The following DCT variants were observed in gnomAD, a reference collection of about 807,000 sequenced individuals.
DCT encodes the protein L-dopachrome tautomerase.
A neutral mutation model predicts 53.0 loss-of-function variants in DCT; 47 were observed. The ratio of observed to expected loss-of-function variants is 0.89; its 90% CI spans 0.70 to 1.13. The LOEUF (loss-of-function observed/expected upper bound fraction) is 1.13, where lower values mean the gene tolerates loss of function less well. Among genes scored for constraint, DCT ranks in the 50% most tolerant of loss-of-function variants. The probability of loss-of-function intolerance (pLI) is 0.00; values close to 1 mark genes in which losing one functional copy is unlikely to be tolerated. For synonymous variants in DCT, 244 were observed against 237.0 expected (o/e 1.03, Z -0.27); for missense variants, 669 against 637.4 (o/e 1.05, Z -0.53).
chr13:94,441,883 T>A (rs1043831973), intron 7 of DCT, among the ~76,000 whole-genome samples: 10 of 152,212 alleles, frequency 6.6e-5, no homozygotes, highest in African/African-American at 2.4e-4. Flanking sequence ...CTGGGTCATA[T>A]GGTAATTATT....
chr13:94,483,972 TCA>T (rs1885557764), upstream of DCT, among the ~76,000 whole-genome samples: 1 of 152,206 alleles, frequency 6.6e-6, no homozygotes, highest in African/African-American at 2.4e-5. Context: ...TGCTAGACAG[TCA>T]CATCACCTCA....
the DCT span, among the ~76,000 whole-genome samples, chr13:94,511,587 T>C: frequency 6.6e-6 from 1 of 152,212 alleles, no homozygotes; most frequent in East Asian, 1.9e-4. Flanking sequence ...CTCAAACTCC[T>C]GACCTCAAGT....
chr13:94,540,214 T>C, the DCT span, among the ~76,000 whole-genome samples: 1 of 152,100 alleles, frequency 6.6e-6, no homozygotes, highest in Admixed American at 6.6e-5. Context: ...AAAAAGAAGA[T>C]AGGATGAGAA....
intron 7 of DCT, among the ~76,000 whole-genome samples, chr13:94,440,464 A>T (rs1882210512): frequency 6.6e-6 from 1 of 152,198 alleles, no homozygotes; most frequent in Admixed American, 6.5e-5. Flanking sequence ...AAATTCTGCT[A>T]TTGTCTCTAC....
Position 94,438,939 on chromosome 13 carries a change from C to G in DCT, c.*959G>C, listed in dbSNP as rs567096449. The G allele has an allele frequency of 9.2e-6, 2 of 216,838 alleles. No individual in the cohort carries two copies. The highest frequency in any genetic ancestry group is 1.9e-5 in the Non-Finnish European group (2 of 106,868). The allele number at this position is 216,838 out of a possible 1,614,324, so 13.4% of individuals were successfully genotyped here. A position where few individuals can be genotyped will look rare whatever the true frequency, so the allele number is the denominator to read the frequency against. On this transcript the variant is annotated 3_prime_UTR_variant, in exon 8 of 8. Coordinates refer to ENST00000377028, the MANE Select transcript of DCT (RefSeq NM_001922.5). ...GGAATAATTTTTCATCTGAGGCTAC[C>G]TAGTAAAGAAATTGGTAGAGGATCA...
At chr13:94,444,582 A>G (rs1044521499) in intron 6 of DCT, 2 of 336,662 alleles carry the variant, frequency 5.9e-6, no homozygotes, top group Non-Finnish European at 1.2e-5. Context: ...ACATGATACA[A>G]GTTTGAGAGT....
At chr13:94,533,120 A>AG in the DCT span, among the ~76,000 whole-genome samples, 1 of 151,808 alleles carries the variant, frequency 6.6e-6, no homozygotes, top group African/African-American at 2.4e-5. Context: ...AAAACACCAT[A>AG]GGAAAAGTAA....
the DCT span, among the ~76,000 whole-genome samples, chr13:94,548,977 T>C: frequency 6.6e-6 from 1 of 151,382 alleles, no homozygotes; most frequent in Admixed American, 6.6e-5. Flanking sequence ...ATGCTGCGGA[T>C]CTGGGGACTG....
Position 94,454,895 on chromosome 13 carries a change from G to C in DCT, c.1179+5196C>G, listed in dbSNP as rs566660457. ...ATTCATTCTGTGCCTTTAAAGAAACGCTGTGGCTTTTTGTTTATTTATATG... is the reference window on the plus strand; with the variant it reads ...ATTCATTCTGTGCCTTTAAAGAAACCCTGTGGCTTTTTGTTTATTTATATG... On this transcript the variant is annotated intron_variant, in intron 6 of 7. Coordinates refer to ENST00000377028, the MANE Select transcript of DCT (RefSeq NM_001922.5). 1.4e-3 allele frequency among the ~76,000 whole-genome samples: 208 copies of C among 152,226 alleles called. 2 individuals carry two copies. The highest frequency in any genetic ancestry group is 0.01 in the Middle Eastern group (3 of 294).
At chr13:94,541,468 C>G in the DCT span, among the ~76,000 whole-genome samples, 1 of 150,830 alleles carries the variant, frequency 6.6e-6, no homozygotes. Flanking sequence ...CATGCCATTG[C>G]ACTCCAGCCT....
the DCT span, among the ~76,000 whole-genome samples, chr13:94,488,961 A>C: frequency 6.6e-6 from 1 of 152,076 alleles, no homozygotes. Context: ...TAACATGTAC[A>C]TGTGAGGGAG....
In DCT at chr13:94,465,701, C is replaced by T. The variant is rs1008077150; in HGVS notation, c.795G>A (p.Ala265=). The T allele has an allele frequency of 5.6e-6, 9 of 1,613,350 alleles. No individual in the cohort carries two copies. The African/African-American group carries it at 6.7e-5, about 12-fold the overall frequency. Residue 265 remains alanine, a synonymous_variant, in exon 4 of 8, where the codon GCG becomes GCA. Coordinates refer to ENST00000377028, the MANE Select transcript of DCT (RefSeq NM_001922.5). ...DVCTDQLFGA[A]RPDDPTLISR... ...TAATCAGAGTCGGATCGTCTGGTCT[C>T]GCTGCCCCAAACAGCTGGTCTGTAC...
chr13:94,445,704 C>T, intron 6 of DCT: 1 of 1,565,506 alleles, frequency 6.4e-7, no homozygotes, highest in South Asian at 1.2e-5. Context: ...TAGAGCCTCC[C>T]AGGCTCATGG....
the DCT span, among the ~76,000 whole-genome samples, chr13:94,509,082 GCTAC>G: frequency 2.0e-5 from 3 of 152,152 alleles, no homozygotes; most frequent in African/African-American, 7.2e-5. Context: ...TTAGCTCTGG[GCTAC>G]CTATTATGTT....
At chr13:94,472,063 AC>A (rs1312768014) in intron 1 of DCT, among the ~76,000 whole-genome samples, 3 of 152,300 alleles carry the variant, frequency 2.0e-5, no homozygotes, top group Middle Eastern at 3.4e-3. Context: ...ATAATTTAAT[AC>A]CTTTTTACAT....
At chr13:94,538,507 T>C in the DCT span, among the ~76,000 whole-genome samples, 1 of 152,268 alleles carries the variant, frequency 6.6e-6, no homozygotes, top group African/African-American at 2.4e-5. Flanking sequence ...CCCTGCCTCC[T>C]TTTATACCAC....
rs1003237908 is a variant in DCT at position 94,479,445 on chromosome 13, A to T, written c.-190T>A. ...TTACATGTGTGCACATGTGTACATG[A>T]ACGTGCACACACAATTTTATGTGAT... On this transcript the variant is annotated 5_prime_UTR_variant, in exon 1 of 8. Transcript: ENST00000377028. 3.1e-5 allele frequency: 17 copies of T among 552,018 alleles called. No individual in the cohort carries two copies. The highest frequency in any genetic ancestry group is 5.3e-5 in the Non-Finnish European group (17 of 322,268). 34.2% of individuals were successfully genotyped at this position (552,018 alleles called of 1,614,324 possible).
chr13:94,439,588 T>A lies in DCT; in HGVS notation c.*310A>T, dbSNP rs201327097. 11 of 143,996 alleles carry A rather than the reference T, an allele frequency of 7.6e-5. No individual in the cohort carries two copies. Among genetic ancestry groups the A allele is most frequent in the African/African-American group, 2.9e-4 (10 of 34,000 alleles). The allele number at this position is 143,996 out of a possible 1,614,324, so 8.9% of individuals were successfully genotyped here. A position where few individuals can be genotyped will look rare whatever the true frequency, so the allele number is the denominator to read the frequency against. ...TTTTGGGATTTTTTTTGTTTTTTTT[T>A]AAATGCTTTCAGAAAAGGAGGAGGC... is the stretch of plus-strand genomic sequence containing the variant. On this transcript the variant is annotated 3_prime_UTR_variant, in exon 8 of 8. Coordinates refer to ENST00000377028, the MANE Select transcript of DCT (RefSeq NM_001922.5).
the DCT span, among the ~76,000 whole-genome samples, chr13:94,548,322 G>C: frequency 6.6e-5 from 10 of 152,070 alleles, no homozygotes; most frequent in Middle Eastern, 3.4e-3. Context: ...TGTCCAATTA[G>C]AGAATGAATG....
Sources: gnomAD v4.1 joint callset for allele counts (sites outside exome capture counted in the v4.1 genomes callset) on GRCh38, gnomAD v4.1.1 for gene constraint, MANE v1.5 for transcripts, NCBI Gene and HGNC (gene_info 2026-07-23, HGNC 2026-07-21) for gene names.